Variants in NEK1 observed in about 807,000 individuals in gnomAD.
NEK1 encodes the protein NIMA related kinase 1.
In NEK1, 137 loss-of-function variants were observed where a neutral mutation model predicts 182.1. The observed-to-expected ratio is 0.75, with a 90% CI of 0.65 to 0.87. The LOEUF is 0.87. Ranked by LOEUF, NEK1 falls within the 40% of genes least tolerant of loss-of-function variation. The probability of loss-of-function intolerance (pLI) is 0.00; values close to 1 mark genes in which losing one functional copy is unlikely to be tolerated. For synonymous variants in NEK1, 513 were observed against 492.2 expected (o/e 1.04, Z -0.56); for missense variants, 1,391 against 1,494.4 (o/e 0.93, Z 1.14).
At chr4:169,559,026 T>C (rs750130204) in intron 16 of NEK1, among the ~76,000 whole-genome samples, 3 of 152,142 alleles carry the variant, frequency 2.0e-5, no homozygotes, top group South Asian at 2.1e-4. Flanking sequence ...GAAACTAACA[T>C]AGAATTTCCT....
intron 19 of NEK1, among the ~76,000 whole-genome samples, chr4:169,523,654 CTT>C (rs1178450870): frequency 6.6e-6 from 1 of 152,166 alleles, no homozygotes; most frequent in Non-Finnish European, 1.5e-5. Flanking sequence ...AGTTTGTAGT[CTT>C]TTGTTACAGC....
rs72692908 is a variant in NEK1, at chr4:169,527,863, C to T, written c.1665+9946G>A. ...AGTATAATAATGAATTACTTAAACACACCAATGAAAAGATAGGAATTGTTA... is the reference window on the plus strand; with the variant it reads ...AGTATAATAATGAATTACTTAAACATACCAATGAAAAGATAGGAATTGTTA... On this transcript the variant is annotated intron_variant, in intron 19 of 35. Transcript: ENST00000507142. Among the ~76,000 whole-genome samples the T allele has an allele frequency of 4.0e-3, 601 of 152,006 alleles. 5 individuals carry two copies. The highest frequency in any genetic ancestry group is 0.03 in the South Asian group (144 of 4,818).
chr4:169,395,815 T>C (rs574468370), intron 35 of NEK1, among the ~76,000 whole-genome samples: 8 of 152,192 alleles, frequency 5.3e-5, no homozygotes, highest in Non-Finnish European at 1.0e-4. Context: ...CTGAAATTGA[T>C]GTGTATTCTT....
intron 12 of NEK1, among the ~76,000 whole-genome samples, chr4:169,572,107 G>A (rs1362878037): frequency 2.0e-5 from 3 of 151,958 alleles, no homozygotes; most frequent in Non-Finnish European, 4.4e-5. Context: ...AGAGTGTAAC[G>A]ATCTGACTTC....
At chr4:169,553,849 G>C (rs1166125635) in intron 18 of NEK1, among the ~76,000 whole-genome samples, 5 of 152,206 alleles carry the variant, frequency 3.3e-5, no homozygotes, top group Admixed American at 3.3e-4. Context: ...CTAAATGCTG[G>C]AGAGGATGTG....
At chr4:169,482,054 A>T (rs7674548) in intron 23 of NEK1, among the ~76,000 whole-genome samples, 70,982 of 152,090 alleles carry the variant, frequency 0.47, 19,378 homozygotes, top group East Asian at 0.76. Flanking sequence ...TTTACCTTGC[A>T]CTTTCATGTT....
chr4:169,580,114 T>C (rs930834273), intron 11 of NEK1, among the ~76,000 whole-genome samples: 3 of 152,200 alleles, frequency 2.0e-5, no homozygotes, highest in African/African-American at 7.2e-5. Context: ...ACTGGTCACA[T>C]TGTTTAAAAG....
intron 35 of NEK1, among the ~76,000 whole-genome samples, chr4:169,399,800 T>G (rs1008619141): frequency 2.6e-5 from 4 of 151,992 alleles, no homozygotes; most frequent in Non-Finnish European, 4.4e-5. Flanking sequence ...AAAAATTTTT[T>G]TGTGTGTAGA....
chr4:169,447,835 C>T (rs1197372947), intron 27 of NEK1, among the ~76,000 whole-genome samples: 2 of 152,066 alleles, frequency 1.3e-5, no homozygotes, highest in Non-Finnish European at 2.9e-5. Flanking sequence ...TGCCACTGCA[C>T]TCCAGCCCGG....
chr4:169,400,659 A>T lies in NEK1; in HGVS notation c.3584-8T>A. ...TTTCACCATCACTGTTATCTAAAAA[A>T]CAAAATTAAAATAGAGATTTGATTT... On this transcript the variant is annotated splice_region_variant and splice_polypyrimidine_tract_variant and intron_variant, in intron 33 of 35. Coordinates refer to ENST00000507142, the MANE Select transcript of NEK1 (RefSeq NM_001199397.3). The T allele has an allele frequency of 6.4e-7, 1 of 1,556,404 alleles. No individual in the cohort carries two copies. Among genetic ancestry groups the T allele is most frequent in the Non-Finnish European group, 8.7e-7 (1 of 1,149,478 alleles).
chr4:169,472,606 T>C (rs982885584), intron 26 of NEK1, among the ~76,000 whole-genome samples: 17 of 152,302 alleles, frequency 1.1e-4, no homozygotes, highest in African/African-American at 4.1e-4. Context: ...TCCCCCAACT[T>C]ACTTGTATCT....
intron 29 of NEK1, among the ~76,000 whole-genome samples, chr4:169,430,882 A>G (rs10017918): frequency 0.82 from 123,988 of 151,590 alleles, 51,819 homozygotes; most frequent in South Asian, 0.92. Flanking sequence ...GAGGTATCTA[A>G]TAAGTCTATA....
intron 16 of NEK1, 69 bp downstream of exon 16, chr4:169,561,411 C>T (rs1341900681): frequency 7.6e-7 from 1 of 1,310,748 alleles, no homozygotes; most frequent in Non-Finnish European, 1.1e-6. Flanking sequence ...CAAGTACATG[C>T]ATTTTATAGA....
chr4:169,603,902 C>A (rs571187747), intron 2 of NEK1, among the ~76,000 whole-genome samples: 5 of 152,006 alleles, frequency 3.3e-5, no homozygotes, highest in African/African-American at 1.2e-4. Flanking sequence ...GACGGGGTTT[C>A]GCCATGTTGG....
At chr4:169,595,699 G>A (rs1164594017) in intron 5 of NEK1, among the ~76,000 whole-genome samples, 10 of 151,872 alleles carry the variant, frequency 6.6e-5, no homozygotes, top group East Asian at 1.9e-4. Flanking sequence ...AGAGGCGGGC[G>A]GATCACGAGG....
At chr4:169,470,460 G>C (rs1745746436) in intron 26 of NEK1, among the ~76,000 whole-genome samples, 1 of 152,192 alleles carries the variant, frequency 6.6e-6, no homozygotes, top group South Asian at 2.1e-4. Flanking sequence ...ACTCTATTCT[G>C]GCTTGTAGGG....
Position 169,423,846 on chromosome 4 carries a change from T to C in NEK1, c.3222+707A>G, listed in dbSNP as rs563164107. Among the ~76,000 whole-genome samples, 3 of 152,320 alleles carry C rather than the reference T, an allele frequency of 2.0e-5. No homozygotes were observed. In the East Asian group the frequency reaches 5.8e-4, roughly 29 times the overall value. Reference sequence around the variant, plus strand: ...CAATGGAATATGTAGTTATTTATGATGATATAAAGAGAATATGTGACAATG... The same window carrying C: ...CAATGGAATATGTAGTTATTTATGACGATATAAAGAGAATATGTGACAATG... On this transcript the variant is annotated intron_variant, in intron 31 of 35. Transcript: ENST00000507142.
chr4:169,447,870 A>C (rs1046239542), intron 27 of NEK1, among the ~76,000 whole-genome samples: 4 of 152,048 alleles, frequency 2.6e-5, no homozygotes, highest in African/African-American at 9.7e-5. Context: ...CTCTGTCTCA[A>C]AAAATAAAAT....
chr4:169,435,864 C>T (rs1201080311), intron 28 of NEK1, among the ~76,000 whole-genome samples: 1 of 152,074 alleles, frequency 6.6e-6, no homozygotes, highest in African/African-American at 2.4e-5. Flanking sequence ...GCAGAAGAAC[C>T]TCCAAATTCC....
Sources: allele counts gnomAD v4.1 joint callset (sites outside exome capture counted in the v4.1 genomes callset), GRCh38; gene constraint gnomAD v4.1.1; transcripts MANE v1.5; gene names NCBI Gene and HGNC (gene_info 2026-07-23, HGNC 2026-07-21).